AMZ1: variants seen among roughly 807,000 people sequenced by gnomAD.
AMZ1 encodes archaelysin family metallopeptidase 1.
In AMZ1, 39 loss-of-function variants were observed where a neutral mutation model predicts 29.9. The ratio of observed to expected loss-of-function variants is 1.30; its 90% confidence interval spans 1.01 to 1.70. The LOEUF is 1.70. Ranked by LOEUF, AMZ1 falls within the 40% of genes most tolerant of loss-of-function variation. AMZ1 has a pLI of 0.00. For missense variants in AMZ1, 1,041 were observed against 680.6 expected (o/e 1.53, Z -5.89); for synonymous variants, 458 against 304.0 (o/e 1.51, Z -5.27).
At chr7:2,709,868 CCGCGAGCGCCGCCTGGAGGCT>C (rs765390474) in intron 6 of AMZ1, 52 bp downstream of exon 6, 6 of 1,590,564 alleles carry the variant, frequency 3.8e-6, no homozygotes, top group African/African-American at 1.3e-5. Flanking sequence ...CTCCGGAGGC[CCGCGAGCGCCGCCTGGAGGCT>C]ACGCAGGGCA....
chr7:2,700,725 G>A lies in AMZ1; in HGVS notation c.274G>A (p.Ala92Thr). ...CCTGCAGCACCGGAAGCCCCGCCTGGCTCGGAAGCACATCTACCTACAGCC... is the reference window on the plus strand; with the variant it reads ...CCTGCAGCACCGGAAGCCCCGCCTGACTCGGAAGCACATCTACCTACAGCC... ...ASLQHRKPRL[A>T]RKHIYLQPID... The change falls in exon 2 of 7, where the codon GCT becomes ACT. Residue 92 changes from alanine (A) to threonine (T), a missense_variant. Ala to Thr is a moderately conservative substitution (Grantham distance 58, BLOSUM62 0). Transcript: ENST00000683327. 1 of 1,612,946 alleles carries A rather than the reference G, an allele frequency of 6.2e-7. No individual in the cohort carries two copies. Among genetic ancestry groups the A allele is most frequent in the African/African-American group, 1.3e-5 (1 of 75,040 alleles).
chr7:2,690,519 C>G (rs931035199), intron 1 of AMZ1, among the ~76,000 whole-genome samples: 24 of 152,332 alleles, frequency 1.6e-4, no homozygotes, highest in African/African-American at 5.5e-4. Flanking sequence ...GATCTTCCAG[C>G]CGGGCTAGTC....
chr7:2,704,558 TG>T (rs1788239609), intron 3 of AMZ1, among the ~76,000 whole-genome samples: 2 of 149,154 alleles, frequency 1.3e-5, no homozygotes, highest in Admixed American at 6.8e-5. Flanking sequence ...CAGTTTCCAG[TG>T]GATTCTTTTT....
intron 1 of AMZ1, among the ~76,000 whole-genome samples, chr7:2,698,751 G>A (rs1246855517): frequency 2.6e-5 from 4 of 152,066 alleles, no homozygotes; most frequent in Non-Finnish European, 5.9e-5. Context: ...CAGGAGGATC[G>A]CTTGAGCTCA....
intron 1 of AMZ1, among the ~76,000 whole-genome samples, chr7:2,696,558 A>G (rs1050048048): frequency 5.3e-5 from 8 of 150,766 alleles, no homozygotes; most frequent in Non-Finnish European, 8.9e-5. Flanking sequence ...CACCTGGCCA[A>G]TAGTCATTTT....
At chr7:2,681,532 A>T (rs1164962494) in intron 1 of AMZ1, among the ~76,000 whole-genome samples, 1 of 151,996 alleles carries the variant, frequency 6.6e-6, no homozygotes, top group African/African-American at 2.4e-5. Flanking sequence ...AAGTGCTGGG[A>T]TTACAGGCAT....
At chr7:2,741,000 G>C (rs1039754676) in intron 4 of AMZ1, among the ~76,000 whole-genome samples, 1 of 152,178 alleles carries the variant, frequency 6.6e-6, no homozygotes, top group Admixed American at 6.5e-5. Context: ...AGCTGAGATC[G>C]GGCCACTGCA....
chr7:2,746,191 C>T (rs1347802866), intron 4 of AMZ1, among the ~76,000 whole-genome samples: 1 of 152,190 alleles, frequency 6.6e-6, no homozygotes, highest in African/African-American at 2.4e-5. Flanking sequence ...CTACGGAACT[C>T]TCCACCCCAA....
rs1036871832 is a variant in AMZ1 at position 2,715,576 on chromosome 7, C to T, written c.*2698C>T. The T allele has an allele frequency of 2.0e-5, 3 of 152,104 alleles. No homozygotes were observed. The highest frequency in any genetic ancestry group is 7.2e-5 in the African/African-American group (3 of 41,414). 9.4% of individuals were successfully genotyped at this position (152,104 alleles called of 1,614,324 possible). A position where few individuals can be genotyped will look rare whatever the true frequency, so the allele number is the denominator to read the frequency against. ...TTTTGAAGTGGGAAGGAGCAAACCA[C>T]TAAAAAAAACTCCTTTTATCCGCAG... On this transcript the variant is annotated 3_prime_UTR_variant, in exon 7 of 7. Coordinates refer to ENST00000683327, the MANE Select transcript of AMZ1 (RefSeq NM_001384743.1).
intron 3 of AMZ1, 84 bp downstream of exon 3, chr7:2,702,973 A>G: frequency 6.9e-7 from 1 of 1,451,122 alleles, no homozygotes; most frequent in East Asian, 2.6e-5. Flanking sequence ...CCAGGAGAGG[A>G]AGGGAACCTT....
In AMZ1 at chr7:2,731,954, G is replaced by A. The variant is rs145554441; in HGVS notation, n.550+22138G>A. ...TCAAATACTTCATTTCAAAACGAAC[G>A]GAGGCTCACCAGTCTGAGGACGAAT... On this transcript the variant is annotated intron_variant and non_coding_transcript_variant, in intron 4 of 4. Transcript: ENST00000489665. This position sits in a 1 kb window ranked among gnomAD's most constrained non-coding sequence, Gnocchi z 6.0. 6.7e-3 allele frequency among the ~76,000 whole-genome samples: 1,025 copies of A among 152,266 alleles called. 6 individuals are homozygous for A. Among genetic ancestry groups the A allele is most frequent in the Non-Finnish European group, 0.011 (739 of 68,010 alleles).
upstream of AMZ1, among the ~76,000 whole-genome samples, chr7:2,685,143 A>G (rs1242385523): frequency 6.6e-6 from 1 of 150,894 alleles, no homozygotes; most frequent in Non-Finnish European, 1.5e-5. Context: ...TGCTGGGATT[A>G]CAGGTTGAGC....
chr7:2,701,228 C>CA (rs35630946), intron 2 of AMZ1, among the ~76,000 whole-genome samples: 4,027 of 144,120 alleles, frequency 0.028, 109 homozygotes, highest in African/African-American at 0.077. Context: ...GAGACTGTCT[C>CA]AAAAAAAAAA....
chr7:2,764,060 G>A (rs1206286390), upstream of AMZ1, among the ~76,000 whole-genome samples: 1 of 152,006 alleles, frequency 6.6e-6, no homozygotes, highest in Non-Finnish European at 1.5e-5. Flanking sequence ...TCCTCTGATT[G>A]GTTGAGTATT....
At chr7:2,755,122 C>G (rs890771663) in intron 4 of AMZ1, among the ~76,000 whole-genome samples, 1 of 152,216 alleles carries the variant, frequency 6.6e-6, no homozygotes, top group Admixed American at 6.5e-5. Flanking sequence ...GTCCAGTGAC[C>G]TCGTGTCTCT....
intron 4 of AMZ1, among the ~76,000 whole-genome samples, chr7:2,740,592 A>C (rs947027230): frequency 8.5e-5 from 13 of 152,236 alleles, no homozygotes; most frequent in African/African-American, 3.1e-4. Flanking sequence ...GACAAATATA[A>C]TTATGAACTT....
chr7:2,697,585 G>C (rs1411603035), intron 1 of AMZ1, among the ~76,000 whole-genome samples: 1 of 151,764 alleles, frequency 6.6e-6, no homozygotes, highest in African/African-American at 2.4e-5. Context: ...CACCATGCCC[G>C]GCTAATTTTT....
At chr7:2,687,844 G>A (rs375591060), upstream of AMZ1, among the ~76,000 whole-genome samples, 1 of 151,278 alleles carries the variant, frequency 6.6e-6, no homozygotes, top group African/African-American at 2.4e-5. Context: ...TCCTCACCTC[G>A]TGGCGCTGGT....
intron 4 of AMZ1, among the ~76,000 whole-genome samples, chr7:2,757,128 CCTTTTTT>C (rs1791338990): frequency 8.7e-6 from 1 of 115,136 alleles, no homozygotes. Context: ...ATCAGGTGGG[CCTTTTTT>C]TTTTTTTTTT....
Sources: gnomAD v4.1 joint callset for allele counts (sites outside exome capture counted in the v4.1 genomes callset) on GRCh38, gnomAD v4.1.1 for gene constraint, Gnocchi (gnomAD v3.1) non-coding constraint, MANE v1.5 for transcripts, NCBI Gene and HGNC (gene_info 2026-07-23, HGNC 2026-07-21) for gene names.